ARMC9: variants seen among roughly 807,000 people sequenced by gnomAD.
ARMC9 encodes armadillo repeat containing 9.
A neutral mutation model predicts 107.0 loss-of-function variants in ARMC9; 94 were observed. The observed-to-expected ratio is 0.88, with a 90% CI of 0.74 to 1.04. ARMC9 has a LOEUF of 1.04. ARMC9 is among the 50% of genes least tolerant of loss of function. ARMC9 has a pLI of 0.00. For synonymous variants in ARMC9, 380 were observed against 396.9 expected (o/e 0.96, Z 0.51); for missense variants, 942 against 1,030.1 (o/e 0.91, Z 1.17).
chr2:231,233,413 G>T (rs1191984837), intron 7 of ARMC9, among the ~76,000 whole-genome samples: 1 of 152,092 alleles, frequency 6.6e-6, no homozygotes, highest in Admixed American at 6.6e-5. Context: ...TTATTTGTGG[G>T]TGATTCTGAT....
chr2:231,309,306 G>T (rs749120880), intron 19 of ARMC9, among the ~76,000 whole-genome samples: 43 of 152,058 alleles, frequency 2.8e-4, no homozygotes, highest in Non-Finnish European at 5.7e-4. Context: ...GTCCAACATC[G>T]GTTGCCTTGG....
chr2:231,326,960 G>C (rs542301575), intron 19 of ARMC9, among the ~76,000 whole-genome samples: 1 of 151,952 alleles, frequency 6.6e-6, no homozygotes, highest in African/African-American at 2.4e-5. Context: ...CTGTCACCAG[G>C]AGATGATGGC....
intron 3 of ARMC9, among the ~76,000 whole-genome samples, chr2:231,209,876 G>T (rs562162359): frequency 3.0e-4 from 45 of 152,208 alleles, no homozygotes; most frequent in Non-Finnish European, 5.0e-4. Context: ...TGGAGACAGG[G>T]TCTTGCTGTG....
At chr2:231,324,123 C>CTTT (rs71296842) in intron 19 of ARMC9, among the ~76,000 whole-genome samples, 5,098 of 89,062 alleles carry the variant, frequency 0.057, 220 homozygotes, top group Middle Eastern at 0.082. Flanking sequence ...TTGTAAAGTA[C>CTTT]TTTTTTTTTT....
intron 5 of ARMC9, among the ~76,000 whole-genome samples, chr2:231,219,600 CTAGGGA>C (rs2033894585): frequency 2.6e-5 from 4 of 152,076 alleles, no homozygotes; most frequent in Admixed American, 2.6e-4. Flanking sequence ...TACAGTGTTT[CTAGGGA>C]TAGATTTCTA....
chr2:231,330,229 CTTTT>C (rs201716312), intron 19 of ARMC9, among the ~76,000 whole-genome samples: 2 of 134,834 alleles, frequency 1.5e-5, no homozygotes, highest in African/African-American at 2.8e-5. Context: ...CTTTTTCTTT[CTTTT>C]TTTTTTTTTT....
intron 23 of ARMC9, among the ~76,000 whole-genome samples, chr2:231,364,655 G>A (rs887141207): frequency 6.6e-6 from 1 of 152,028 alleles, no homozygotes; most frequent in African/African-American, 2.4e-5. Context: ...AAAATTAGCC[G>A]GGCATGGTGG....
At chr2:231,246,112 T>G (rs1244229112) in intron 9 of ARMC9, among the ~76,000 whole-genome samples, 1 of 152,232 alleles carries the variant, frequency 6.6e-6, no homozygotes, top group Non-Finnish European at 1.5e-5. Flanking sequence ...AATGCATCCT[T>G]ATTTAGAAAG....
chr2:231,332,419 G>A (rs1247304519), intron 20 of ARMC9, among the ~76,000 whole-genome samples: 3 of 152,128 alleles, frequency 2.0e-5, no homozygotes, highest in African/African-American at 4.8e-5. Context: ...TAGTCACTGC[G>A]TCTTCAGGAG....
intron 7 of ARMC9, among the ~76,000 whole-genome samples, chr2:231,227,004 C>T (rs1306310169): frequency 6.6e-6 from 1 of 152,188 alleles, no homozygotes; most frequent in Non-Finnish European, 1.5e-5. Flanking sequence ...TCTTGCATGT[C>T]AGGTAGCTAA....
At chr2:231,351,836 A>G (rs945780977) in intron 21 of ARMC9, among the ~76,000 whole-genome samples, 1 of 152,178 alleles carries the variant, frequency 6.6e-6, no homozygotes, top group East Asian at 1.9e-4. Flanking sequence ...TAAAACAAAA[A>G]AAAATTATGA....
chr2:231,256,039 C>CA (rs929480647), intron 9 of ARMC9: 442 of 1,462,108 alleles, frequency 3.0e-4, no homozygotes, highest in African/African-American at 1.1e-3. Flanking sequence ...GACTCAGTCT[C>CA]AAAAAAAACA....
At chr2:231,278,017 G>A (rs896204397) in intron 15 of ARMC9, among the ~76,000 whole-genome samples, 3 of 152,138 alleles carry the variant, frequency 2.0e-5, no homozygotes, top group Admixed American at 6.5e-5. Context: ...GAGGGAGAAC[G>A]TTGCTCTATA....
intron 9 of ARMC9, among the ~76,000 whole-genome samples, chr2:231,248,529 G>T (rs1418931811): frequency 1.3e-5 from 2 of 152,094 alleles, no homozygotes; most frequent in Non-Finnish European, 2.9e-5. Context: ...AGCTGGCAGG[G>T]CCGGACGTGG....
At chr2:231,239,455 C>T (rs2036079655) in intron 8 of ARMC9, among the ~76,000 whole-genome samples, 1 of 152,202 alleles carries the variant, frequency 6.6e-6, no homozygotes, top group South Asian at 2.1e-4. Context: ...ATGTGCTAGG[C>T]ATATCTGTGA....
At chr2:231,234,367 G>A (rs150514391) in intron 7 of ARMC9, among the ~76,000 whole-genome samples, 58 of 152,304 alleles carry the variant, frequency 3.8e-4, no homozygotes, top group African/African-American at 1.3e-3. Flanking sequence ...GCTGCTTGCT[G>A]TAAGGCCTGG....
chr2:231,264,024 T>G (rs2038626204), intron 12 of ARMC9, among the ~76,000 whole-genome samples: 1 of 152,228 alleles, frequency 6.6e-6, no homozygotes, highest in Non-Finnish European at 1.5e-5. Flanking sequence ...CAGGGGTTTT[T>G]TTCTTTCTTG....
intron 20 of ARMC9, among the ~76,000 whole-genome samples, chr2:231,341,837 C>G (rs557768991): frequency 2.0e-5 from 3 of 152,252 alleles, no homozygotes; most frequent in Non-Finnish European, 4.4e-5. Context: ...AAATAATATG[C>G]TCTTTTTTTA....
chr2:231,263,483 C>A (rs944711748), intron 12 of ARMC9, among the ~76,000 whole-genome samples: 1 of 152,214 alleles, frequency 6.6e-6, no homozygotes, highest in Non-Finnish European at 1.5e-5. Context: ...GGAGCCTACT[C>A]GCACAATAAC....
Sources: gnomAD v4.1 joint callset for allele counts (sites outside exome capture counted in the v4.1 genomes callset) on GRCh38, gnomAD v4.1.1 for gene constraint, MANE v1.5 for transcripts, NCBI Gene and HGNC (gene_info 2026-07-23, HGNC 2026-07-21) for gene names.